Variants in CYFIP2 observed in about 807,000 individuals in gnomAD.
CYFIP2 encodes the protein cytoplasmic FMR1 interacting protein 2, also known as cytoplasmic FMR1-interacting protein 2.
In CYFIP2, 29 loss-of-function variants were observed where a neutral mutation model predicts 158.7. The observed-to-expected ratio is 0.18, with a 90% CI of 0.14 to 0.25. The LOEUF is 0.25. Ranked by LOEUF, CYFIP2 falls within the 10% of genes least tolerant of loss-of-function variation. The pLI, the probability that CYFIP2 is intolerant of heterozygous loss-of-function variation, is 1.00. For missense variants in CYFIP2, 852 were observed against 1,639.5 expected (o/e 0.52, Z 8.29); for synonymous variants, 585 against 617.6 (o/e 0.95, Z 0.78).
At position 157,354,793 on chromosome 5, in the gene CYFIP2, A is replaced by G. The variant is rs1195916979; in HGVS notation, c.2674-4212A>G. Among the ~76,000 whole-genome samples, 4 of 152,208 alleles carry G rather than the reference A, an allele frequency of 2.6e-5. No homozygotes were observed. The East Asian group carries it at 7.7e-4, about 29-fold the overall frequency. ...GCATTTTAAAAATCCTTACGTGGTA[A>G]AACAGTTCCAATACTATTCTCCGCC... On this transcript the variant is annotated intron_variant, in intron 23 of 30. Transcript: ENST00000620254.
rs1767085004 is a variant in CYFIP2 at position 157,389,787 on chromosome 5, A to G, written c.3446+360A>G. On this transcript the variant is annotated intron_variant, in intron 29 of 30. Transcript: ENST00000620254. ...CCCTCCAGCAGCCAAGAGCTCTAGGAAAAAGGCGTGGTGGGGAGAGGAGGC... is the reference window on the plus strand; with the variant it reads ...CCCTCCAGCAGCCAAGAGCTCTAGGGAAAAGGCGTGGTGGGGAGAGGAGGC... Among the ~76,000 whole-genome samples, 3 of 152,294 alleles carry G rather than the reference A, an allele frequency of 2.0e-5. No homozygotes were observed. The South Asian group carries it at 6.2e-4, about 32-fold the overall frequency.
Position 157,361,674 on chromosome 5 carries a change from C to T in CYFIP2, c.3039+76C>T, listed in dbSNP as rs2113367790. The T allele has an allele frequency of 1.9e-6, 3 of 1,568,448 alleles. No homozygotes were observed. The highest frequency in any genetic ancestry group is 2.3e-5 in the South Asian group (2 of 88,278). ...CCAACCCCAAGCAGATATTGAGGCT[C>T]CTGCAGCATTGATTTGTGCTTTGAG... is the stretch of plus-strand genomic sequence containing the variant. On this transcript the variant is annotated intron_variant, in intron 26 of 30. Coordinates refer to ENST00000620254, the MANE Select transcript of CYFIP2 (RefSeq NM_001037333.3). This position sits in a 1 kb window ranked among gnomAD's most constrained non-coding sequence, Gnocchi z 4.4.
chr5:157,331,060 C>A (rs1180697647), intron 20 of CYFIP2, among the ~76,000 whole-genome samples: 1 of 152,146 alleles, frequency 6.6e-6, no homozygotes, highest in Non-Finnish European at 1.5e-5. Context: ...GGCTTCTCCA[C>A]CCATCTATAG....
chr5:157,357,889 T>C (rs769791714), intron 23 of CYFIP2, among the ~76,000 whole-genome samples: 2 of 151,382 alleles, frequency 1.3e-5, no homozygotes, highest in Non-Finnish European at 2.9e-5. Flanking sequence ...AAAAACTGAG[T>C]ATCATTTATA....
At chr5:157,274,311 G>T (rs1756368194) in intron 1 of CYFIP2, among the ~76,000 whole-genome samples, 1 of 152,042 alleles carries the variant, frequency 6.6e-6, no homozygotes, top group African/African-American at 2.4e-5. Flanking sequence ...CCTATTCTGG[G>T]CATGTTTAAT....
At position 157,309,785 on chromosome 5, in the gene CYFIP2, C is replaced by A; in HGVS notation, c.943C>A (p.Leu315Met). 1 of 1,608,174 alleles carries A rather than the reference C, an allele frequency of 6.2e-7. No individual in the cohort carries two copies. The highest frequency in any genetic ancestry group is 8.5e-7 in the Non-Finnish European group (1 of 1,177,510). ...CCTTTTCGGCGACATGCAGATAGAG[C>A]TGGCCAGATACATTAAGACCAGTGC... Reference protein sequence around the residue: ...VPLFGDMQIELARYIKTSAHY... With the variant: ...VPLFGDMQIEMARYIKTSAHY... The change falls in exon 10 of 31, where the codon CTG becomes ATG. Residue 315 changes from leucine to methionine, a missense_variant. Physicochemically the swap from Leu to Met is conservative, Grantham distance 15 (BLOSUM62 2). This residue lies in a region of CYFIP2 where 133 missense variants were observed against 197.1 expected (regional missense o/e 0.67). Transcript: ENST00000620254.
At chr5:157,330,214 C>T (rs1441025140) in intron 19 of CYFIP2, among the ~76,000 whole-genome samples, 4 of 150,572 alleles carry the variant, frequency 2.7e-5, no homozygotes, top group African/African-American at 9.8e-5. Context: ...ACACTCTCAG[C>T]TCATAGGGTT....
intron 23 of CYFIP2, among the ~76,000 whole-genome samples, chr5:157,349,960 ATTGTTTGT>A (rs569890097): frequency 6.6e-6 from 1 of 151,286 alleles, no homozygotes; most frequent in Non-Finnish European, 1.5e-5. Flanking sequence ...TTTTGATGGG[ATTGTTTGT>A]TTGTTTGTTT....
Position 157,331,256 on chromosome 5 carries a change from G to A in CYFIP2, c.2265+406G>A, listed in dbSNP as rs1761436938. Among the ~76,000 whole-genome samples, 3 of 151,702 alleles carry A rather than the reference G, an allele frequency of 2.0e-5. No individual in the cohort carries two copies. In the South Asian group the frequency reaches 6.3e-4, roughly 32 times the overall value. ...TGAAAGCATGTCAGGGCAAATCCAC[G>A]GTAGAAATTGGGTTTTTTGTGTGCA... On this transcript the variant is annotated intron_variant, in intron 20 of 30. Transcript: ENST00000620254.
chr5:157,310,812 C>T (rs1364370167), intron 10 of CYFIP2, among the ~76,000 whole-genome samples: 2 of 152,172 alleles, frequency 1.3e-5, no homozygotes, highest in Non-Finnish European at 2.9e-5. Context: ...TTGTGAGAAC[C>T]ATATCAGGGC....
At chr5:157,292,139 A>G (rs1249952438) in intron 3 of CYFIP2, among the ~76,000 whole-genome samples, 5 of 152,086 alleles carry the variant, frequency 3.3e-5, no homozygotes, top group African/African-American at 4.8e-5. Context: ...AAATAATCCA[A>G]TATGGACCTT....
intron 3 of CYFIP2, among the ~76,000 whole-genome samples, chr5:157,293,308 A>C (rs1452940412): frequency 2.6e-5 from 4 of 152,142 alleles, no homozygotes; most frequent in Non-Finnish European, 4.4e-5. Flanking sequence ...CACCGGCTTC[A>C]GCCTTTCAAA....
Position 157,314,506 on chromosome 5 carries a change from C to T in CYFIP2, c.1230+43C>T, listed in dbSNP as rs773056344. On this transcript the variant is annotated intron_variant, in intron 12 of 30. Transcript: ENST00000620254. The stretch of plus-strand genomic sequence containing the variant: ...GAGGGCCTCACACTGACCTCTCTTT[C>T]CTTGGAATCTGCCTCCATCTCCCCC... The T allele has an allele frequency of 1.9e-5, 30 of 1,591,002 alleles. 3 individuals are homozygous for T. In the Admixed American group the frequency reaches 5.3e-4, roughly 28 times the overall value.
intron 23 of CYFIP2, among the ~76,000 whole-genome samples, chr5:157,351,278 G>A (rs1014542491): frequency 6.6e-6 from 1 of 152,200 alleles, no homozygotes; most frequent in Non-Finnish European, 1.5e-5. Flanking sequence ...CAGTGGTTCA[G>A]AGCCATTTCC....
chr5:157,368,902 G>GTTT (rs57932474), intron 26 of CYFIP2, among the ~76,000 whole-genome samples: 1,545 of 143,284 alleles, frequency 0.011, 19 homozygotes, highest in African/African-American at 0.032. Context: ...TTGTTTTTTT[G>GTTT]TTTTTTTTTT....
rs1270722445 is a variant in CYFIP2, at chr5:157,394,226, G to T, written c.*1226G>T. The T allele has an allele frequency of 2.6e-5, 4 of 152,128 alleles. No individual in the cohort carries two copies. Among genetic ancestry groups the T allele is most frequent in the African/African-American group, 9.7e-5 (4 of 41,416 alleles). The allele number at this position is 152,128 out of a possible 1,614,324, so 9.4% of individuals were successfully genotyped here. A position where few individuals can be genotyped will look rare whatever the true frequency, so the allele number is the denominator to read the frequency against. The stretch of plus-strand genomic sequence containing the variant: ...TTCTAGACTGAACCAAAAGTCTTCT[G>T]CAGAATCTCCCACCGAGTGTGGTAA... On this transcript the variant is annotated 3_prime_UTR_variant, in exon 31 of 31. Transcript: ENST00000620254.
intron 1 of CYFIP2, among the ~76,000 whole-genome samples, chr5:157,271,763 G>C (rs113791158): frequency 6.6e-6 from 1 of 152,200 alleles, no homozygotes; most frequent in Non-Finnish European, 1.5e-5. Flanking sequence ...AGCCATGTTC[G>C]AGTTGTGGTT....
At chr5:157,314,554 T>A (rs1233479765) in intron 12 of CYFIP2, 91 bp downstream of exon 12, 1 of 1,488,216 alleles carries the variant, frequency 6.7e-7, no homozygotes, top group Non-Finnish European at 9.0e-7. Context: ...TTTAACAGAT[T>A]TACGGAGTTA....
intron 18 of CYFIP2, among the ~76,000 whole-genome samples, chr5:157,326,620 C>T (rs1438936827): frequency 1.3e-5 from 2 of 152,210 alleles, no homozygotes; most frequent in Non-Finnish European, 1.5e-5. Flanking sequence ...TAGTGGAGTC[C>T]ACCCTCAGAG....
Sources: allele counts gnomAD v4.1 joint callset (sites outside exome capture counted in the v4.1 genomes callset), GRCh38; gene constraint gnomAD v4.1.1; regional missense constraint gnomAD v4.1.1; non-coding constraint Gnocchi (gnomAD v3.1); transcripts MANE v1.5; gene names NCBI Gene and HGNC (gene_info 2026-07-23, HGNC 2026-07-21).